ATXN10: variants seen among roughly 807,000 people sequenced by gnomAD.
ATXN10 encodes ataxin-10.
In ATXN10, 28 loss-of-function variants were observed where a neutral mutation model predicts 52.9. The observed-to-expected ratio is 0.53, with a 90% CI of 0.39 to 0.73. ATXN10 has a LOEUF of 0.73. Ranked by LOEUF, ATXN10 falls within the 30% of genes least tolerant of loss-of-function variation. The pLI is 0.00. For synonymous variants in ATXN10, 226 were observed against 221.5 expected (o/e 1.02, Z -0.18); for missense variants, 565 against 577.0 (o/e 0.98, Z 0.21).
At chr22:45,717,613 T>A (rs1924494282) in intron 5 of ATXN10, among the ~76,000 whole-genome samples, 1 of 152,206 alleles carries the variant, frequency 6.6e-6, no homozygotes. Context: ...GAAGTGACAG[T>A]GTATTGTAGT....
intron 9 of ATXN10, among the ~76,000 whole-genome samples, chr22:45,758,690 A>G (rs1926265890): frequency 6.6e-6 from 1 of 152,254 alleles, no homozygotes; most frequent in African/African-American, 2.4e-5. Context: ...ACATGTGCAT[A>G]CACATAGCCA....
rs1182831989 is a variant in ATXN10 at position 45,759,412 on chromosome 22, T to C, written c.1173+18874T>C. 6.6e-6 allele frequency among the ~76,000 whole-genome samples: 1 copy of C among 152,138 alleles called. No homozygotes were observed. The highest frequency in any genetic ancestry group is 6.5e-5 in the Admixed American group (1 of 15,282). On this transcript the variant is annotated intron_variant, in intron 9 of 11. Transcript: ENST00000252934. The surrounding 1 kb of genome is among the most constrained non-coding windows in gnomAD (Gnocchi z 5.4). ...CTGTAATCCCAGCTACTCGGGAGGCTGAGGCGGGAGAATCACCTGAACTCG... is the reference window on the plus strand; with the variant it reads ...CTGTAATCCCAGCTACTCGGGAGGCCGAGGCGGGAGAATCACCTGAACTCG...
chr22:45,683,273 C>T lies in ATXN10; in HGVS notation c.117-6439C>T, dbSNP rs1923000647. Among the ~76,000 whole-genome samples the T allele has an allele frequency of 6.6e-6, 1 of 152,164 alleles. No individual in the cohort carries two copies. The highest frequency in any genetic ancestry group is 2.1e-4 in the South Asian group (1 of 4,814). On this transcript the variant is annotated intron_variant, in intron 1 of 11. Coordinates refer to ENST00000252934, the MANE Select transcript of ATXN10 (RefSeq NM_013236.4). This position sits in a 1 kb window ranked among gnomAD's most constrained non-coding sequence, Gnocchi z 4.8. The stretch of plus-strand genomic sequence containing the variant: ...GGCGGGGGTTGCAGTGAGCTGAGAT[C>T]CTGCCTCTGCACTCCAGCCTGGGCA...
chr22:45,781,781 C>T lies in ATXN10; in HGVS notation c.1174-25178C>T, dbSNP rs1927157170. Among the ~76,000 whole-genome samples, 1 of 151,922 alleles carries T rather than the reference C, an allele frequency of 6.6e-6. No individual in the cohort carries two copies. Among genetic ancestry groups the T allele is most frequent in the African/African-American group, 2.4e-5 (1 of 41,320 alleles). ...AAGAAATGGAAGATACAAAGAAAAG[C>T]CACGTGGAAATTTTAGGACTAAAAA... On this transcript the variant is annotated intron_variant, in intron 9 of 11. Transcript: ENST00000252934. The surrounding 1 kb of genome is among the most constrained non-coding windows in gnomAD (Gnocchi z 4.2).
chr22:45,741,714 C>T (rs947139504), intron 9 of ATXN10, among the ~76,000 whole-genome samples: 5 of 152,078 alleles, frequency 3.3e-5, no homozygotes, highest in Admixed American at 2.6e-4. Flanking sequence ...GGATATAGGT[C>T]CTGCTTCAGT....
Position 45,795,825 on chromosome 22 carries a change from C to CT in ATXN10, c.1174-11131dup, listed in dbSNP as rs1168666279. ...TTATAATTTCCTATGCCTGTCTTGT[C>CT]TTTAATATCTTAATCTCGTCATCTT... On this transcript the variant is annotated intron_variant, in intron 9 of 11. Transcript: ENST00000252934. The surrounding 1 kb of genome is among the most constrained non-coding windows in gnomAD (Gnocchi z 4.6). Among the ~76,000 whole-genome samples the CT allele has an allele frequency of 2.0e-5, 3 of 152,330 alleles. No homozygotes were observed. In the East Asian group the frequency reaches 5.8e-4, roughly 29 times the overall value.
intron 6 of ATXN10, among the ~76,000 whole-genome samples, chr22:45,719,796 G>A (rs893175198): frequency 6.6e-6 from 1 of 151,984 alleles, no homozygotes; most frequent in Non-Finnish European, 1.5e-5. Flanking sequence ...TCTTGCCCCT[G>A]CTTTATTTTT....
chr22:45,836,129 T>A (rs1458183358), intron 10 of ATXN10, among the ~76,000 whole-genome samples: 2 of 152,194 alleles, frequency 1.3e-5, no homozygotes, highest in Non-Finnish European at 2.9e-5. Context: ...ACACATAGTT[T>A]CCAGCGTCAT....
chr22:45,764,482 GCCTCAT>G (rs1449740305), intron 9 of ATXN10, among the ~76,000 whole-genome samples: 4 of 152,128 alleles, frequency 2.6e-5, no homozygotes, highest in African/African-American at 9.7e-5. Flanking sequence ...GGTTTGTTTG[GCCTCAT>G]CCTTTCAGAC....
At chr22:45,749,598 G>A (rs936191103) in intron 9 of ATXN10, among the ~76,000 whole-genome samples, 1 of 151,780 alleles carries the variant, frequency 6.6e-6, no homozygotes, top group South Asian at 2.1e-4. Flanking sequence ...GTCTTGCTCT[G>A]TTGCTCAGGC....
chr22:45,760,160 A>G (rs866481781), intron 9 of ATXN10, among the ~76,000 whole-genome samples: 2 of 152,138 alleles, frequency 1.3e-5, no homozygotes, highest in Admixed American at 1.3e-4. Context: ...GCCTAGCTCA[A>G]CTGTGGCTTG....
Position 45,683,057 on chromosome 22 carries a change from G to A in ATXN10, c.117-6655G>A, listed in dbSNP as rs755310322. Among the ~76,000 whole-genome samples the A allele has an allele frequency of 6.6e-6, 1 of 152,152 alleles. No individual in the cohort carries two copies. The highest frequency in any genetic ancestry group is 2.4e-5 in the African/African-American group (1 of 41,448). On this transcript the variant is annotated intron_variant, in intron 1 of 11. Coordinates refer to ENST00000252934, the MANE Select transcript of ATXN10 (RefSeq NM_013236.4). The surrounding 1 kb of genome is among the most constrained non-coding windows in gnomAD (Gnocchi z 4.8). Reference sequence around the variant, plus strand: ...CCATGGGCCGGGCACGGTGGCTCACGCCTGTCATCCCAGCACTTTGGGAGG... The same window carrying A: ...CCATGGGCCGGGCACGGTGGCTCACACCTGTCATCCCAGCACTTTGGGAGG...
chr22:45,830,807 C>G (rs1309481021), intron 10 of ATXN10, among the ~76,000 whole-genome samples: 1 of 151,974 alleles, frequency 6.6e-6, no homozygotes, highest in Non-Finnish European at 1.5e-5. Context: ...TGGCAAGTCC[C>G]CAAAAAGTTA....
At chr22:45,674,646 G>C (rs1164840614) in intron 1 of ATXN10, 2 of 152,268 alleles carry the variant, frequency 1.3e-5, no homozygotes, top group Admixed American at 6.5e-5. Context: ...ATGGATCCAG[G>C]GGGAGGATGG....
Position 45,780,107 on chromosome 22 carries a change from G to T in ATXN10, c.1174-26852G>T, listed in dbSNP as rs1348817605. Among the ~76,000 whole-genome samples the T allele has an allele frequency of 2.0e-5, 3 of 150,120 alleles. No homozygotes were observed. Among genetic ancestry groups the T allele is most frequent in the Non-Finnish European group, 3.0e-5 (2 of 67,632 alleles). ...TCATCTTTTTTTTTTTTTTTGAGACGGAGTCTCGTTGTGTCACCCAGGCTG... is the reference window on the plus strand; with the variant it reads ...TCATCTTTTTTTTTTTTTTTGAGACTGAGTCTCGTTGTGTCACCCAGGCTG... On this transcript the variant is annotated intron_variant, in intron 9 of 11. Coordinates refer to ENST00000252934, the MANE Select transcript of ATXN10 (RefSeq NM_013236.4). This position sits in a 1 kb window ranked among gnomAD's most constrained non-coding sequence, Gnocchi z 4.0.
chr22:45,683,283 C>G lies in ATXN10; in HGVS notation c.117-6429C>G, dbSNP rs1161532823. The stretch of plus-strand genomic sequence containing the variant: ...GCAGTGAGCTGAGATCCTGCCTCTG[C>G]ACTCCAGCCTGGGCAACAGAGCAAA... On this transcript the variant is annotated intron_variant, in intron 1 of 11. Coordinates refer to ENST00000252934, the MANE Select transcript of ATXN10 (RefSeq NM_013236.4). The surrounding 1 kb of genome is among the most constrained non-coding windows in gnomAD (Gnocchi z 4.8). Among the ~76,000 whole-genome samples, 1 of 152,192 alleles carries G rather than the reference C, an allele frequency of 6.6e-6. No homozygotes were observed. The highest frequency in any genetic ancestry group is 1.9e-4 in the East Asian group (1 of 5,192).
At position 45,780,725 on chromosome 22, in the gene ATXN10, G is replaced by C. The variant is rs902895722; in HGVS notation, c.1174-26234G>C. 4.6e-5 allele frequency among the ~76,000 whole-genome samples: 7 copies of C among 152,194 alleles called. No homozygotes were observed. The highest frequency in any genetic ancestry group is 1.2e-4 in the African/African-American group (5 of 41,448). ...AAATTTAAACCTGGATCAGTGACTT[G>C]TGTCTTCATTTGCTAATGGAAGTCC... On this transcript the variant is annotated intron_variant, in intron 9 of 11. Coordinates refer to ENST00000252934, the MANE Select transcript of ATXN10 (RefSeq NM_013236.4). The surrounding 1 kb of genome is among the most constrained non-coding windows in gnomAD (Gnocchi z 4.0).
chr22:45,702,620 A>G, intron 4 of ATXN10, 69 bp from the exon 5 acceptor site: 1 of 1,443,456 alleles, frequency 6.9e-7, no homozygotes, highest in East Asian at 2.3e-5. Flanking sequence ...TGACAATGGT[A>G]TTACTGTTAT....
chr22:45,806,295 T>C (rs9626201), intron 9 of ATXN10, among the ~76,000 whole-genome samples: 5 of 152,320 alleles, frequency 3.3e-5, no homozygotes, highest in Non-Finnish European at 7.4e-5. Flanking sequence ...TTCCCTCTTA[T>C]GAGCACGTTT....
Sources: gnomAD v4.1 joint callset for allele counts (sites outside exome capture counted in the v4.1 genomes callset) on GRCh38, gnomAD v4.1.1 for gene constraint, Gnocchi (gnomAD v3.1) non-coding constraint, MANE v1.5 for transcripts, NCBI Gene and HGNC (gene_info 2026-07-23, HGNC 2026-07-21) for gene names.